The following DOCK9 variants were observed in gnomAD, a reference collection of about 807,000 sequenced individuals.
DOCK9 encodes the protein dedicator of cytokinesis 9.
DOCK9 carries 89 observed loss-of-function variants against 263.3 expected under a neutral mutation model. The observed-to-expected ratio is 0.34, with a 90% CI of 0.28 to 0.40. The LOEUF (loss-of-function observed/expected upper bound fraction) is 0.40. Among genes scored for constraint, DOCK9 ranks in the 10% least tolerant of loss-of-function variants. The pLI is 1.00. For missense variants in DOCK9, 2,140 were observed against 2,603.4 expected, an observed-to-expected ratio of 0.82 and a Z score of 3.87; for synonymous variants, 976 against 973.1, an observed-to-expected ratio of 1.00 and a Z score of -0.06.
chr13:98,919,858 G>T (rs2051601697), intron 7 of DOCK9, among the ~76,000 whole-genome samples: 1 of 152,180 alleles, frequency 6.6e-6, no homozygotes, highest in Admixed American at 6.5e-5. Flanking sequence ...CAAAACATAC[G>T]CTTTCTCCTT....
chr13:99,054,331 T>A (rs1200611119), intron 1 of DOCK9, among the ~76,000 whole-genome samples: 1 of 152,142 alleles, frequency 6.6e-6, no homozygotes, highest in Non-Finnish European at 1.5e-5. Context: ...ATTTGAAAGG[T>A]GGGCTTCCAT....
chr13:98,931,229 G>T lies in DOCK9; in HGVS notation c.244-972C>A, dbSNP rs1369365366. ...TAAATAAAATGACAGGGCAGGGGTA[G>T]CATCCTGTCTACCTCAATAACTAGG... On this transcript the variant is annotated intron_variant, in intron 2 of 52. Transcript: ENST00000682017. Among the ~76,000 whole-genome samples, 11 of 152,226 alleles carry T rather than the reference G, an allele frequency of 7.2e-5. No homozygotes were observed. The South Asian group carries it at 2.1e-3, about 29-fold the overall frequency.
intron 1 of DOCK9, among the ~76,000 whole-genome samples, chr13:99,068,988 G>C (rs2041553478): frequency 6.6e-6 from 1 of 152,278 alleles, no homozygotes; most frequent in South Asian, 2.1e-4. Flanking sequence ...TCTTAGAAAT[G>C]CAACTCTTTC....
chr13:98,889,669 C>T (rs1351799454), intron 15 of DOCK9, among the ~76,000 whole-genome samples: 3 of 152,330 alleles, frequency 2.0e-5, no homozygotes, highest in East Asian at 3.9e-4. Flanking sequence ...CTCCCTGAAA[C>T]TTCTACTCAC....
chr13:98,897,555 T>C lies in DOCK9; in HGVS notation c.1642A>G (p.Ile548Val). Reference protein sequence around the residue: ...NLDKNARFSAIYRQDSNKLSN... With the variant: ...NLDKNARFSAVYRQDSNKLSN... ...AGCTTATTGCTGTCTTGCCTGTAGA[T>C]GGCAGAAAATCTGGCATTTTTGTCA... Residue 548 changes from isoleucine (I) to valine (V), a missense_variant, in exon 15 of 53, where the codon ATC becomes GTC. Ile to Val is a conservative substitution (Grantham distance 29). This residue lies in a region of DOCK9 where 1,521 missense variants were observed against 1,741.7 expected (regional missense o/e 0.87). Transcript: ENST00000682017. 1 of 1,614,032 alleles carries C rather than the reference T, an allele frequency of 6.2e-7. No homozygotes were observed. Among genetic ancestry groups the C allele is most frequent in the Non-Finnish European group, 8.5e-7 (1 of 1,179,876 alleles).
intron 1 of DOCK9, among the ~76,000 whole-genome samples, chr13:99,001,660 G>A (rs1882341404): frequency 6.6e-6 from 1 of 152,208 alleles, no homozygotes; most frequent in Non-Finnish European, 1.5e-5. Flanking sequence ...GAGAGAGGAG[G>A]ACTTGGGGCC....
At chr13:98,992,073 T>G (rs541977739) in intron 1 of DOCK9, among the ~76,000 whole-genome samples, 9 of 150,824 alleles carry the variant, frequency 6.0e-5, no homozygotes, top group Non-Finnish European at 1.0e-4. Flanking sequence ...GAAATAAAAC[T>G]GTACAGTGTG....
chr13:98,910,916 C>T (rs1191360412), intron 9 of DOCK9, among the ~76,000 whole-genome samples: 1 of 152,156 alleles, frequency 6.6e-6, no homozygotes, highest in Non-Finnish European at 1.5e-5. Flanking sequence ...TGGAATCCAT[C>T]CTTCCTAATG....
chr13:98,797,149 A>G lies in DOCK9; in HGVS notation c.6122T>C (p.Met2041Thr). The G allele has an allele frequency of 6.2e-7, 1 of 1,613,910 alleles. No individual in the cohort carries two copies. Among genetic ancestry groups the G allele is most frequent in the Non-Finnish European group, 8.5e-7 (1 of 1,179,868 alleles). Reference sequence around the variant, plus strand: ...CATGATTTCAGAAAGCTCCTTCGCCATTTCCCTGTAGTTGGCTTTCATTTC... The same window carrying G: ...CATGATTTCAGAAAGCTCCTTCGCCGTTTCCCTGTAGTTGGCTTTCATTTC... The part of the protein sequence containing the change: ...QEEMKANYRE[M>T]AKELSEIMHE... The change falls in exon 52 of 53, where the codon ATG becomes ACG. Residue 2041 changes from methionine to threonine, a missense_variant. This residue lies in a region of DOCK9 where 619 missense variants were observed against 861.8 expected (regional missense o/e 0.72). Coordinates refer to ENST00000682017, the MANE Select transcript of DOCK9 (RefSeq NM_001366683.2).
intron 38 of DOCK9, chr13:98,845,408 GC>G (rs1236099557): frequency 2.3e-6 from 3 of 1,321,076 alleles, no homozygotes; most frequent in Non-Finnish European, 3.0e-6. Context: ...GTTATTGGAT[GC>G]TTTTCCACAC....
chr13:99,078,132 G>A (rs765877040), intron 1 of DOCK9, among the ~76,000 whole-genome samples: 5 of 152,112 alleles, frequency 3.3e-5, no homozygotes, highest in Non-Finnish European at 5.9e-5. Flanking sequence ...CTGAACTTAA[G>A]GAGCTGGTAG....
intron 32 of DOCK9, among the ~76,000 whole-genome samples, chr13:98,862,503 A>G (rs1051244868): frequency 6.6e-6 from 1 of 152,242 alleles, no homozygotes; most frequent in African/African-American, 2.4e-5. Flanking sequence ...CCTGGCCAAC[A>G]TGGTGAAACC....
rs138965786 is a variant in DOCK9 at position 98,835,576 on chromosome 13, G to C, written c.4314+1918C>G. 6.2e-4 allele frequency among the ~76,000 whole-genome samples: 95 copies of C among 152,222 alleles called. 1 individual carries two copies. The East Asian group carries it at 0.018, about 28-fold the overall frequency. On this transcript the variant is annotated intron_variant, in intron 39 of 52. Transcript: ENST00000682017. ...TCTTCCTTGGGTGTCTCAGGGATCAGGCCCTTTGCCACAGGACCAGTGAGG... is the reference window on the plus strand; with the variant it reads ...TCTTCCTTGGGTGTCTCAGGGATCACGCCCTTTGCCACAGGACCAGTGAGG...
chr13:98,919,822 C>A (rs2051593033), intron 7 of DOCK9, among the ~76,000 whole-genome samples: 1 of 152,328 alleles, frequency 6.6e-6, no homozygotes, highest in South Asian at 2.1e-4. Flanking sequence ...CAGGTGGTGG[C>A]CCACCCACAG....
intron 1 of DOCK9, among the ~76,000 whole-genome samples, chr13:99,013,097 A>G (rs1884798353): frequency 6.6e-6 from 1 of 152,052 alleles, no homozygotes; most frequent in African/African-American, 2.4e-5. Flanking sequence ...CCCAGGTATC[A>G]TGAATCTGAT....
chr13:99,032,149 G>C (rs1275115605), intron 1 of DOCK9, among the ~76,000 whole-genome samples: 1 of 152,132 alleles, frequency 6.6e-6, no homozygotes, highest in East Asian at 1.9e-4. Context: ...TTCAGTCCAA[G>C]GAGTGCCAAT....
intron 13 of DOCK9, among the ~76,000 whole-genome samples, chr13:98,901,335 A>G (rs1595131201): frequency 6.6e-6 from 1 of 152,212 alleles, no homozygotes; most frequent in African/African-American, 2.4e-5. Context: ...GCAAAAACCA[A>G]GTGGACCTGA....
chr13:98,797,300 C>G (rs2089540460), intron 51 of DOCK9, 47 bp from the exon 52 acceptor site: 1 of 1,612,346 alleles, frequency 6.2e-7, no homozygotes, highest in Admixed American at 1.7e-5. Context: ...GAGGATAAGG[C>G]ATGAGTCCAA....
chr13:98,947,752 C>T (rs183963816), intron 2 of DOCK9, among the ~76,000 whole-genome samples: 3 of 152,176 alleles, frequency 2.0e-5, no homozygotes, highest in African/African-American at 7.2e-5. Flanking sequence ...GTAATCTGCC[C>T]GCCTCAGCCT....
Sources: allele counts gnomAD v4.1 joint callset (sites outside exome capture counted in the v4.1 genomes callset), GRCh38; gene constraint gnomAD v4.1.1; regional missense constraint gnomAD v4.1.1; transcripts MANE v1.5; gene names NCBI Gene and HGNC (gene_info 2026-07-23, HGNC 2026-07-21).